PHRF1: variants seen among roughly 807,000 people sequenced by gnomAD.
PHRF1 encodes PHD and RING finger domain-containing protein 1.
A neutral mutation model predicts 128.9 loss-of-function variants in PHRF1; 53 were observed. The ratio of observed to expected loss-of-function variants is 0.41; its 90% CI spans 0.33 to 0.52. The LOEUF is 0.52. Ranked by LOEUF, PHRF1 falls within the 20% of genes least tolerant of loss-of-function variation. The probability of loss-of-function intolerance (pLI) is 0.21; values close to 1 mark genes in which losing one functional copy is unlikely to be tolerated. For synonymous variants in PHRF1, 1,178 were observed against 980.6 expected (o/e 1.20, Z -3.76); for missense variants, 2,503 against 2,284.5 (o/e 1.10, Z -1.95).
intron 1 of PHRF1, among the ~76,000 whole-genome samples, chr11:579,254 C>CTCCCCCAAGCCCTGCTTT (rs1554900881): frequency 1.8e-3 from 267 of 149,554 alleles, no homozygotes; most frequent in Non-Finnish European, 3.0e-3. Context: ...AGCCCTGCTC[C>CTCCCCCAAGCCCTGCTTT]TCCCCCCAGC....
At chr11:582,264 CTTTT>C (rs71022934) in intron 3 of PHRF1, among the ~76,000 whole-genome samples, 183 bp downstream of exon 3, 17 of 120,646 alleles carry the variant, frequency 1.4e-4, no homozygotes, top group Non-Finnish European at 2.0e-4. Context: ...TACTTCATTT[CTTTT>C]TTTTTTTTTT....
intron 6 of PHRF1, among the ~76,000 whole-genome samples, chr11:594,222 G>A (rs998754491): frequency 2.6e-5 from 4 of 152,222 alleles, no homozygotes; most frequent in African/African-American, 9.6e-5. Context: ...TGAAGGAAGG[G>A]CCTGGGCTGG....
At chr11:577,534 G>A (rs7936397) in intron 1 of PHRF1, among the ~76,000 whole-genome samples, 45,238 of 152,170 alleles carry the variant, frequency 0.3, 7,536 homozygotes, top group African/African-American at 0.44. Flanking sequence ...TGGATGGATG[G>A]CACCTCAGCA....
chr11:610,204 C>T lies in PHRF1; in HGVS notation c.4273C>T (p.Leu1425Phe), dbSNP rs1315721427. ...GTCTGTCGGGCCCCCAGGGGCACCA[C>T]TTCACAGGCCACAGAAGCCCCGAGA... ...PAEDRAPRAP[L>F]HRPQKPREGA... The change falls in exon 15 of 18, where the codon CTT becomes TTT. Residue 1425 changes from leucine (L) to phenylalanine (F), a missense_variant. Coordinates refer to ENST00000264555, the MANE Select transcript of PHRF1 (RefSeq NM_001286581.2). The T allele has an allele frequency of 6.6e-6, 10 of 1,526,520 alleles. No individual in the cohort carries two copies. Among genetic ancestry groups the T allele is most frequent in the Non-Finnish European group, 8.8e-6 (10 of 1,132,490 alleles). The allele number at this position is 1,526,520 out of a possible 1,614,324, so 94.6% of individuals were successfully genotyped here. A position where few individuals can be genotyped will look rare whatever the true frequency, so the allele number is the denominator to read the frequency against.
chr11:581,489 C>T lies in PHRF1; in HGVS notation c.-21-3C>T. 1.9e-6 allele frequency: 3 copies of T among 1,612,214 alleles called. No individual in the cohort carries two copies. Among genetic ancestry groups the T allele is most frequent in the African/African-American group, 1.3e-5 (1 of 74,986 alleles). On this transcript the variant is annotated splice_polypyrimidine_tract_variant and splice_region_variant and intron_variant, in intron 1 of 17. Coordinates refer to ENST00000264555, the MANE Select transcript of PHRF1 (RefSeq NM_001286581.2). ...GAAGTTGCTTGGCTCTTCTTTCTTTCAGAGCTGAGCTCAATGTGCAGCAAT... is the reference window on the plus strand; with the variant it reads ...GAAGTTGCTTGGCTCTTCTTTCTTTTAGAGCTGAGCTCAATGTGCAGCAAT...
Position 609,697 on chromosome 11 carries a change from C to T in PHRF1, c.4241C>T (p.Ala1414Val), listed in dbSNP as rs1443193260. The change falls in exon 14 of 18, where the codon GCC becomes GTC. Residue 1414 changes from alanine to valine, a missense_variant. Transcript: ENST00000264555. The stretch of plus-strand genomic sequence containing the variant: ...AACCTGCAGGAGTCGGAGAGCAGCG[C>T]CCCCGCCGAGGACAGAGCCCCCCGT... The part of the protein sequence containing the change: ...TWNLQESESS[A>V]PAEDRAPRAP... 7 of 1,508,524 alleles carry T rather than the reference C, an allele frequency of 4.6e-6. No individual in the cohort carries two copies. The highest frequency in any genetic ancestry group is 4.2e-5 in the Admixed American group (2 of 48,080). The allele number at this position is 1,508,524 out of a possible 1,614,324, so 93.4% of individuals were successfully genotyped here.
rs1035738096 is a variant in PHRF1 at position 592,824 on chromosome 11, C to T, written c.620+150C>T. ...CCCTCAGCAGCGCGGTTCAGTCCTG[C>T]GGGCCTTCCTGTTACACTCATTTAC... is the stretch of plus-strand genomic sequence containing the variant. On this transcript the variant is annotated intron_variant, in intron 6 of 17. Transcript: ENST00000264555. 32 of 784,098 alleles carry T rather than the reference C, an allele frequency of 4.1e-5. 1 individual carries two copies. The Admixed American group carries it at 4.6e-4, about 11-fold the overall frequency. 48.6% of individuals were successfully genotyped at this position (784,098 alleles called of 1,614,324 possible).
intron 3 of PHRF1, among the ~76,000 whole-genome samples, chr11:583,003 C>T (rs1854298919): frequency 6.8e-6 from 1 of 147,514 alleles, no homozygotes; most frequent in African/African-American, 2.5e-5. Flanking sequence ...CATTGTACTC[C>T]AGCCTGAGCG....
Position 579,871 on chromosome 11 carries a change from T to A in PHRF1, c.-21-1621T>A, listed in dbSNP as rs1854107297. ...GAATCTAGGGTTTTGCACTGTCTTG[T>A]CAGATGGGAAGTGAGGCCGTCCTGG... On this transcript the variant is annotated intron_variant, in intron 1 of 17. Coordinates refer to ENST00000264555, the MANE Select transcript of PHRF1 (RefSeq NM_001286581.2). 2.6e-5 allele frequency among the ~76,000 whole-genome samples: 4 copies of A among 152,324 alleles called. No individual in the cohort carries two copies. In the South Asian group the frequency reaches 8.3e-4, roughly 32 times the overall value.
At chr11:589,138 A>T (rs190666752) in intron 4 of PHRF1, among the ~76,000 whole-genome samples, 1 of 152,254 alleles carries the variant, frequency 6.6e-6, no homozygotes, top group Admixed American at 6.5e-5. Context: ...CTGTCTCAAA[A>T]AAAAAAAAAG....
At position 609,502 on chromosome 11, in the gene PHRF1, C is replaced by T. The variant is rs202013178; in HGVS notation, c.4046C>T (p.Pro1349Leu). Residue 1349 changes from proline (P) to leucine (L), a missense_variant, in exon 14 of 18, where the codon CCG becomes CTG. Transcript: ENST00000264555. ...ACCCAGGAGCCACATTTGCTCAGGC[C>T]GGACGCGGCTGAGAAGGCTGAGGCA... ...EGTQEPHLLR[P>L]DAAEKAEAPS... 61 of 1,603,386 alleles carry T rather than the reference C, an allele frequency of 3.8e-5. No individual in the cohort carries two copies. The highest frequency in any genetic ancestry group is 1.6e-4 in the Middle Eastern group (1 of 6,080).
intron 3 of PHRF1, among the ~76,000 whole-genome samples, chr11:586,289 G>T (rs764345374): frequency 1.3e-5 from 2 of 152,216 alleles, no homozygotes; most frequent in Non-Finnish European, 2.9e-5. Flanking sequence ...CACCACGCCC[G>T]GCCAGTAGCT....
At chr11:577,251 C>A (rs1232146928) in intron 1 of PHRF1, among the ~76,000 whole-genome samples, 1 of 152,210 alleles carries the variant, frequency 6.6e-6, no homozygotes, top group African/African-American at 2.4e-5. Flanking sequence ...AGTAACTGGC[C>A]AGCGCCGGCA....
Position 609,745 on chromosome 11 carries a change from G to A in PHRF1, c.4264+25G>A, listed in dbSNP as rs566074214. On this transcript the variant is annotated intron_variant, in intron 14 of 17. Coordinates refer to ENST00000264555, the MANE Select transcript of PHRF1 (RefSeq NM_001286581.2). ...CGTGAGTAGTGCCCCGGCCCCCACC[G>A]AGGACAGAGCCCCCAGTGAGTAAGG... The A allele has an allele frequency of 4.3e-5, 61 of 1,409,848 alleles. 1 individual carries two copies. Among genetic ancestry groups the A allele is most frequent in the African/African-American group, 2.4e-4 (16 of 67,388 alleles). The allele number at this position is 1,409,848 out of a possible 1,614,324, so 87.3% of individuals were successfully genotyped here.
intron 1 of PHRF1, among the ~76,000 whole-genome samples, chr11:580,255 G>A (rs1453196672): frequency 6.6e-6 from 1 of 152,236 alleles, no homozygotes; most frequent in Admixed American, 6.5e-5. Flanking sequence ...CCACGTGCAC[G>A]TATCTCCTTT....
In PHRF1 at chr11:609,500, G is replaced by A. The variant is rs781621931; in HGVS notation, c.4044G>A (p.Arg1348=). 2 of 1,603,210 alleles carry A rather than the reference G, an allele frequency of 1.2e-6. No individual in the cohort carries two copies. Among genetic ancestry groups the A allele is most frequent in the African/African-American group, 1.3e-5 (1 of 74,848 alleles). The change falls in exon 14 of 18, where the codon AGG becomes AGA. Residue 1348 remains arginine (R), a synonymous_variant. Transcript: ENST00000264555. ...PEGTQEPHLL[R]PDAAEKAEAP... ...GCACCCAGGAGCCACATTTGCTCAG[G>A]CCGGACGCGGCTGAGAAGGCTGAGG...
In PHRF1 at chr11:608,077, A is replaced by C. The variant is rs761645941; in HGVS notation, c.2621A>C (p.Gln874Pro). 9.9e-6 allele frequency: 16 copies of C among 1,611,548 alleles called. No homozygotes were observed. Among genetic ancestry groups the C allele is most frequent in the Admixed American group, 8.3e-5 (5 of 60,012 alleles). Reference sequence around the variant, plus strand: ...AACAGCCCGAAGGCCCAGACGGTGCAGGCTGTGCGCTGCGTCACCTCCTAC... The same window carrying C: ...AACAGCCCGAAGGCCCAGACGGTGCCGGCTGTGCGCTGCGTCACCTCCTAC... ...SINSPKAQTVQAVRCVTSYTV... is the reference protein window; with the variant it reads ...SINSPKAQTVPAVRCVTSYTV... Residue 874 changes from glutamine (Q) to proline (P), a missense_variant, in exon 14 of 18, where the codon CAG (glutamine) becomes CCG (proline). Physicochemically the swap from Gln to Pro is moderately conservative, Grantham distance 76 (BLOSUM62 -1). Coordinates refer to ENST00000264555, the MANE Select transcript of PHRF1 (RefSeq NM_001286581.2).
intron 3 of PHRF1, among the ~76,000 whole-genome samples, chr11:585,978 C>G (rs1242656955): frequency 6.6e-6 from 1 of 152,174 alleles, no homozygotes; most frequent in Non-Finnish European, 1.5e-5. Flanking sequence ...TCTCCTGTCT[C>G]AGCCTCCCAA....
chr11:594,452 G>C (rs1436260793), intron 6 of PHRF1, among the ~76,000 whole-genome samples: 4 of 152,120 alleles, frequency 2.6e-5, no homozygotes, highest in African/African-American at 7.2e-5. Context: ...CAGAGTCTTG[G>C]TCCGTCATCC....
Sources: gnomAD v4.1 joint callset for allele counts (sites outside exome capture counted in the v4.1 genomes callset) on GRCh38, gnomAD v4.1.1 for gene constraint, MANE v1.5 for transcripts, NCBI Gene and HGNC (gene_info 2026-07-23, HGNC 2026-07-21) for gene names.